HIVEP1: variants seen among roughly 807,000 people sequenced by gnomAD.
The protein encoded by HIVEP1 is zinc finger protein 40.
A neutral mutation model predicts 180.0 loss-of-function variants in HIVEP1; 36 were observed. The observed-to-expected ratio is 0.20, with a 90% confidence interval of 0.15 to 0.26. HIVEP1 has a LOEUF of 0.26. Ranked by LOEUF, HIVEP1 falls within the 10% of genes least tolerant of loss-of-function variation. The pLI is 1.00. For synonymous variants in HIVEP1, 1,239 were observed against 1,239.0 expected, an observed-to-expected ratio of 1.00 and a Z score of 0.00; for missense variants, 3,143 against 3,268.7, an observed-to-expected ratio of 0.96 and a Z score of 0.94.
chr6:12,108,488 G>T (rs992467589), intron 3 of HIVEP1, among the ~76,000 whole-genome samples: 1 of 152,242 alleles, frequency 6.6e-6, no homozygotes, highest in Non-Finnish European at 1.5e-5. Context: ...CACGGAGGGG[G>T]TGGGAGGCTC....
the HIVEP1 span, among the ~76,000 whole-genome samples, chr6:12,174,793 T>TTTG: frequency 2.0e-5 from 3 of 152,124 alleles, no homozygotes; most frequent in Admixed American, 1.3e-4. Context: ...ACTTACAACT[T>TTTG]TTGTTGTTGT....
At chr6:12,107,029 A>G (rs967698836) in intron 3 of HIVEP1, among the ~76,000 whole-genome samples, 2 of 152,202 alleles carry the variant, frequency 1.3e-5, no homozygotes, top group South Asian at 4.1e-4. Flanking sequence ...TTCAGGGAAC[A>G]TACTTTCTAT....
intron 2 of HIVEP1, among the ~76,000 whole-genome samples, chr6:12,053,578 G>T (rs1414905256): frequency 6.6e-6 from 1 of 152,092 alleles, no homozygotes; most frequent in African/African-American, 2.4e-5. Flanking sequence ...GAGATGGTGT[G>T]GGGGAGTTCT....
At chr6:12,053,952 G>A (rs1037462313) in intron 2 of HIVEP1, among the ~76,000 whole-genome samples, 6 of 152,144 alleles carry the variant, frequency 3.9e-5, no homozygotes, top group African/African-American at 1.4e-4. Context: ...ACGTACATTT[G>A]ATCCTTCTCC....
At chr6:12,066,503 A>G (rs1256896976) in intron 2 of HIVEP1, among the ~76,000 whole-genome samples, 2 of 152,256 alleles carry the variant, frequency 1.3e-5, no homozygotes, top group East Asian at 3.8e-4. Context: ...GTTCAGATCC[A>G]TACATATGAA....
At chr6:12,153,850 A>C (rs1759854839) in intron 7 of HIVEP1, among the ~76,000 whole-genome samples, 1 of 152,156 alleles carries the variant, frequency 6.6e-6, no homozygotes, top group Non-Finnish European at 1.5e-5. Flanking sequence ...TCAGTAGAGT[A>C]AAAGACCCTA....
At chr6:12,115,852 G>T (rs562857149) in intron 3 of HIVEP1, among the ~76,000 whole-genome samples, 4 of 151,746 alleles carry the variant, frequency 2.6e-5, no homozygotes, top group Non-Finnish European at 5.9e-5. Flanking sequence ...AGGCTCGCGG[G>T]GGGTGCTGGT....
the HIVEP1 span, among the ~76,000 whole-genome samples, chr6:12,188,628 T>G: frequency 2.0e-5 from 3 of 152,056 alleles, no homozygotes; most frequent in African/African-American, 7.2e-5. Context: ...AGCTATAAGA[T>G]TACAAGAAAT....
the HIVEP1 span, among the ~76,000 whole-genome samples, chr6:12,184,044 GACAGACAGACAGAC>G: frequency 9.7e-4 from 147 of 151,152 alleles, no homozygotes; most frequent in African/African-American, 3.4e-3. Context: ...CAGACAGACA[GACAGACAGACAGAC>G]AGACTGATTT....
intron 3 of HIVEP1, among the ~76,000 whole-genome samples, chr6:12,098,173 T>C (rs1468843240): frequency 6.6e-6 from 1 of 152,172 alleles, no homozygotes; most frequent in East Asian, 1.9e-4. Context: ...GCATCCTGAT[T>C]TTAGAGGGAT....
At chr6:12,128,884 C>T (rs921874208) in intron 4 of HIVEP1, among the ~76,000 whole-genome samples, 1 of 152,148 alleles carries the variant, frequency 6.6e-6, no homozygotes, top group African/African-American at 2.4e-5. Flanking sequence ...CCACATTTAT[C>T]AGTATTCAGT....
intron 4 of HIVEP1, among the ~76,000 whole-genome samples, chr6:12,129,313 G>T (rs73724362): frequency 0.049 from 7,520 of 152,308 alleles, 204 homozygotes; most frequent in African/African-American, 0.073. Context: ...GAGACTTAAT[G>T]ATGTTTCTAA....
chr6:12,179,427 T>G, the HIVEP1 span, among the ~76,000 whole-genome samples: 1 of 152,180 alleles, frequency 6.6e-6, no homozygotes. Flanking sequence ...AAAGGGAGCT[T>G]AGTTCTGCAT....
At chr6:12,036,561 CTG>C (rs1224494483) in intron 2 of HIVEP1, among the ~76,000 whole-genome samples, 1 of 152,212 alleles carries the variant, frequency 6.6e-6, no homozygotes, top group African/African-American at 2.4e-5. Flanking sequence ...TGGGTGATCT[CTG>C]TGGTCCTGTA....
chr6:12,146,910 G>A (rs1463695837), intron 7 of HIVEP1, among the ~76,000 whole-genome samples: 1 of 152,030 alleles, frequency 6.6e-6, no homozygotes, highest in Non-Finnish European at 1.5e-5. Context: ...GCTGGAATCA[G>A]GGAAAGACCG....
At chr6:12,138,824 T>C (rs1277298705) in intron 7 of HIVEP1, among the ~76,000 whole-genome samples, 1 of 151,858 alleles carries the variant, frequency 6.6e-6, no homozygotes, top group East Asian at 1.9e-4. Flanking sequence ...CTAAGCACAC[T>C]TCCCCCATAG....
chr6:12,168,291 A>ATATATACATATATACATAT (rs1760802576), downstream of HIVEP1, among the ~76,000 whole-genome samples: 1 of 72,366 alleles, frequency 1.4e-5, no homozygotes, highest in Non-Finnish European at 2.9e-5. Context: ...TATTATATAC[A>ATATATACATATATACATAT]TATATACATA....
rs982525454 is a variant in HIVEP1, at chr6:12,164,145, T to A, written c.7841T>A (p.Val2614Asp). ...GTCCAGCGGGAAAATGCAAAAAAAG[T>A]TCTGAATCCACCTGCCCCTGCAGGT... ...PTVQRENAKK[V>D]LNPPAPAGDH... Residue 2614 changes from valine (V) to aspartate (D), a missense_variant, in exon 9 of 9, where the codon GTT (valine) becomes GAT (aspartate). By Grantham distance (152) the Val-to-Asp change is radical. This residue lies in a region of HIVEP1 where 595 missense variants were observed against 602.2 expected (regional missense o/e 0.99). Transcript: ENST00000379388. 6.2e-7 allele frequency: 1 copy of A among 1,614,032 alleles called. No homozygotes were observed. The highest frequency in any genetic ancestry group is 1.3e-5 in the African/African-American group (1 of 74,908).
intron 6 of HIVEP1, among the ~76,000 whole-genome samples, chr6:12,131,875 T>C (rs985056507): frequency 2.0e-5 from 3 of 151,878 alleles, no homozygotes; most frequent in Non-Finnish European, 2.9e-5. Context: ...CTTATGCTGG[T>C]TGTCTTTGCA....
Sources: gnomAD v4.1 joint callset for allele counts (sites outside exome capture counted in the v4.1 genomes callset) on GRCh38, gnomAD v4.1.1 for gene constraint, gnomAD v4.1.1 regional missense constraint, MANE v1.5 for transcripts, NCBI Gene and HGNC (gene_info 2026-07-23, HGNC 2026-07-21) for gene names.